The following CTIF variants were observed in gnomAD, a reference collection of about 807,000 sequenced individuals.
The protein encoded by CTIF is cap binding complex dependent translation initiation factor.
Under a neutral mutation model 66.0 loss-of-function variants are expected in CTIF, and 21 were observed. The observed-to-expected ratio is 0.32, with a 90% CI of 0.23 to 0.46. CTIF has a LOEUF of 0.46. CTIF is among the 20% of genes least tolerant of loss of function. The pLI is 1.00. For missense variants in CTIF, 739 were observed against 812.7 expected, an observed-to-expected ratio of 0.91 and a Z score of 1.10; for synonymous variants, 345 against 326.4, an observed-to-expected ratio of 1.06 and a Z score of -0.62.
At chr18:48,793,763 T>C (rs1362585860) in intron 9 of CTIF, among the ~76,000 whole-genome samples, 1 of 152,038 alleles carries the variant, frequency 6.6e-6, no homozygotes, top group African/African-American at 2.4e-5. Context: ...AGCAGGAAAA[T>C]AGATGAGTTC....
chr18:48,671,488 A>G (rs974049261), intron 6 of CTIF, among the ~76,000 whole-genome samples: 5 of 152,064 alleles, frequency 3.3e-5, no homozygotes, highest in African/African-American at 1.2e-4. Context: ...TTTTATCTAT[A>G]TCCATTCATC....
chr18:48,636,712 T>TG, intron 3 of CTIF, 27 bp downstream of exon 3: 1 of 1,535,656 alleles, frequency 6.5e-7, no homozygotes, highest in Non-Finnish European at 8.7e-7. Flanking sequence ...GCGCTCTGTC[T>TG]GGGGGTGTCC....
intron 9 of CTIF, among the ~76,000 whole-genome samples, chr18:48,786,431 C>G (rs754615564): frequency 6.6e-6 from 1 of 152,186 alleles, no homozygotes; most frequent in Non-Finnish European, 1.5e-5. Context: ...TACTTATAAG[C>G]TGTGTGCCTT....
intron 2 of CTIF, among the ~76,000 whole-genome samples, chr18:48,631,041 C>T: frequency 6.6e-6 from 1 of 152,192 alleles, no homozygotes. Flanking sequence ...GAGTTTTAGG[C>T]ACCACTGAAA....
intron 7 of CTIF, among the ~76,000 whole-genome samples, chr18:48,746,654 G>T (rs1169915815): frequency 1.3e-5 from 2 of 151,948 alleles, no homozygotes; most frequent in Non-Finnish European, 2.9e-5. Context: ...TAGCAGGATG[G>T]AGGGGAGAGG....
intron 1 of CTIF, among the ~76,000 whole-genome samples, chr18:48,602,427 G>A (rs1199284966): frequency 2.6e-5 from 4 of 152,302 alleles, no homozygotes; most frequent in East Asian, 1.9e-4. Flanking sequence ...TGAGGCCTGC[G>A]TGAGCAATTT....
At chr18:48,844,515 G>A (rs2069025513) in intron 10 of CTIF, among the ~76,000 whole-genome samples, 1 of 152,226 alleles carries the variant, frequency 6.6e-6, no homozygotes, top group Admixed American at 6.5e-5. Flanking sequence ...GGGGTGGTTT[G>A]CAAGCCCGGC....
chr18:48,748,867 A>AT (rs1438598761), intron 7 of CTIF, among the ~76,000 whole-genome samples: 1 of 152,202 alleles, frequency 6.6e-6, no homozygotes, highest in Non-Finnish European at 1.5e-5. Context: ...CTCCCATGAC[A>AT]GGAAGCTCAC....
chr18:48,718,814 C>T (rs1009803036), intron 7 of CTIF, among the ~76,000 whole-genome samples: 7 of 152,156 alleles, frequency 4.6e-5, no homozygotes, highest in African/African-American at 1.7e-4. Flanking sequence ...TGGTCAGGGG[C>T]CATTTATGAC....
intron 9 of CTIF, among the ~76,000 whole-genome samples, chr18:48,777,453 C>T (rs1466446687): frequency 1.3e-5 from 2 of 152,210 alleles, no homozygotes; most frequent in Non-Finnish European, 2.9e-5. Context: ...TGGACTAGAA[C>T]CCACAGCAAG....
chr18:48,628,247 A>G (rs1162038040), intron 2 of CTIF, among the ~76,000 whole-genome samples: 3 of 152,174 alleles, frequency 2.0e-5, no homozygotes, highest in Admixed American at 1.3e-4. Context: ...GTCACCTTAG[A>G]GGAGATGTTG....
chr18:48,560,447 G>C (rs192764633), intron 1 of CTIF, among the ~76,000 whole-genome samples: 18 of 152,122 alleles, frequency 1.2e-4, no homozygotes, highest in Non-Finnish European at 2.2e-4. Flanking sequence ...GGATGGTCTC[G>C]ATCTCCTGAC....
At chr18:48,655,020 G>A (rs1008450382) in intron 3 of CTIF, among the ~76,000 whole-genome samples, 1 of 151,986 alleles carries the variant, frequency 6.6e-6, no homozygotes, top group African/African-American at 2.4e-5. Context: ...AATACCTAAC[G>A]TAAATGACGA....
intron 2 of CTIF, among the ~76,000 whole-genome samples, chr18:48,636,232 C>A (rs1468227396): frequency 1.3e-5 from 2 of 152,210 alleles, no homozygotes; most frequent in East Asian, 3.8e-4. Flanking sequence ...CCATCTCTGG[C>A]CACACCCGTG....
chr18:48,805,493 G>A (rs879654283), intron 9 of CTIF, among the ~76,000 whole-genome samples: 15 of 152,116 alleles, frequency 9.9e-5, no homozygotes, highest in Non-Finnish European at 1.5e-4. Flanking sequence ...GGAGACTCGG[G>A]GTTGGGGTGG....
intron 1 of CTIF, among the ~76,000 whole-genome samples, chr18:48,582,689 A>AGTG (rs1175844922): frequency 1.3e-5 from 2 of 152,118 alleles, no homozygotes; most frequent in Admixed American, 1.3e-4. Context: ...CGGTAGTAGT[A>AGTG]GTGGTGGTGG....
intron 6 of CTIF, among the ~76,000 whole-genome samples, chr18:48,687,942 T>C (rs995620371): frequency 6.6e-6 from 1 of 152,228 alleles, no homozygotes; most frequent in Non-Finnish European, 1.5e-5. Context: ...CTTTTGCCAA[T>C]TCACATTTCA....
chr18:48,596,591 C>T (rs2089991090), intron 1 of CTIF, among the ~76,000 whole-genome samples: 1 of 152,000 alleles, frequency 6.6e-6, no homozygotes, highest in Admixed American at 6.5e-5. Context: ...GATTCTCCTG[C>T]CTCAGCCTCC....
At chr18:48,697,732 G>A (rs2092027995) in intron 6 of CTIF, among the ~76,000 whole-genome samples, 1 of 152,138 alleles carries the variant, frequency 6.6e-6, no homozygotes, top group Admixed American at 6.5e-5. Flanking sequence ...AGAGGGGATT[G>A]GGGAGCAATC....
Sources: gnomAD v4.1 joint callset for allele counts (sites outside exome capture counted in the v4.1 genomes callset) on GRCh38, gnomAD v4.1.1 for gene constraint, MANE v1.5 for transcripts, NCBI Gene and HGNC (gene_info 2026-07-23, HGNC 2026-07-21) for gene names.